The following HMCN1 variants were observed in gnomAD, a reference collection of about 807,000 sequenced individuals.
HMCN1 encodes the protein hemicentin-1.
Under a neutral mutation model 625.9 loss-of-function variants are expected in HMCN1, and 321 were observed. The observed-to-expected ratio is 0.51, with a 90% CI of 0.47 to 0.56. The LOEUF (loss-of-function observed/expected upper bound fraction) is 0.56. HMCN1 is among the 20% of genes least tolerant of loss of function. The pLI is 0.00. For missense variants in HMCN1, 6,588 were observed against 6,887.3 expected (o/e 0.96, Z 1.54); for synonymous variants, 2,425 against 2,417.6 (o/e 1.00, Z -0.09).
At position 185,904,492 on chromosome 1, in the gene HMCN1, T is replaced by C. The variant is rs59244411; in HGVS notation, c.622-4845T>C. On this transcript the variant is annotated intron_variant, in intron 4 of 106. Coordinates refer to ENST00000271588, the MANE Select transcript of HMCN1 (RefSeq NM_031935.3). ...TATACAGCTAATCTATTCATTATGT[T>C]TGGCATGCATTTCATTTTAAAAACA... is the stretch of plus-strand genomic sequence containing the variant. Among the ~76,000 whole-genome samples the C allele has an allele frequency of 7.6e-3, 1,157 of 151,980 alleles. 14 individuals carry two copies. The highest frequency in any genetic ancestry group is 0.025 in the African/African-American group (1,039 of 41,516).
chr1:185,906,951 ATTTTT>A (rs573094693), intron 4 of HMCN1, among the ~76,000 whole-genome samples: 9,639 of 108,652 alleles, frequency 0.089, 1,058 homozygotes, highest in African/African-American at 0.27. Flanking sequence ...AATCCTTTCT[ATTTTT>A]TTTTTTTTTT....
chr1:186,174,488 A>C (rs1350424797), intron 102 of HMCN1, 26 bp from the exon 103 acceptor site: 1 of 1,613,102 alleles, frequency 6.2e-7, no homozygotes, highest in Non-Finnish European at 8.5e-7. Context: ...AGGAAATGTT[A>C]CTTCTCATTG....
intron 6 of HMCN1, among the ~76,000 whole-genome samples, chr1:185,921,374 A>G (rs1053649259): frequency 1.3e-5 from 2 of 152,188 alleles, no homozygotes; most frequent in African/African-American, 2.4e-5. Context: ...ACATTGCTAA[A>G]TAACAAGGAG....
In HMCN1 at chr1:186,003,725, C is replaced by T; in HGVS notation, c.4356C>T (p.Pro1452=). The T allele has an allele frequency of 6.2e-7, 1 of 1,613,166 alleles. No homozygotes were observed. The highest frequency in any genetic ancestry group is 8.5e-7 in the Non-Finnish European group (1 of 1,179,338). Residue 1452 remains proline (P), a synonymous_variant, in exon 29 of 107, where the codon CCC becomes CCT. Coordinates refer to ENST00000271588, the MANE Select transcript of HMCN1 (RefSeq NM_031935.3). ...KYFNIDVLVP[P]TIIGTNFPNE... is the part of the protein sequence containing the mutation. ...ACACTGTCTTTGTTCAAGTTCCACCCACCATAATAGGTACCAACTTCCCAA... is the reference window on the plus strand; with the variant it reads ...ACACTGTCTTTGTTCAAGTTCCACCTACCATAATAGGTACCAACTTCCCAA...
At chr1:186,020,237 TGATAGATAGATA>T (rs4007525) in intron 35 of HMCN1, among the ~76,000 whole-genome samples, 1 of 149,858 alleles carries the variant, frequency 6.7e-6, no homozygotes, top group Non-Finnish European at 1.5e-5. Flanking sequence ...AGTAGATTGA[TGATAGATAGATA>T]GATAGATAGA....
intron 42 of HMCN1, among the ~76,000 whole-genome samples, chr1:186,049,215 A>G (rs1379133111): frequency 2.0e-5 from 3 of 152,102 alleles, no homozygotes; most frequent in Admixed American, 2.0e-4. Flanking sequence ...TGTATGTGAG[A>G]GAAAGAACAT....
intron 1 of HMCN1, among the ~76,000 whole-genome samples, chr1:185,780,476 C>T (rs1222043789): frequency 2.6e-5 from 4 of 152,146 alleles, no homozygotes; most frequent in Admixed American, 2.0e-4. Flanking sequence ...ATGATATTGG[C>T]TGTGGGTTTG....
At chr1:185,884,783 G>A (rs1052781033) in intron 4 of HMCN1, among the ~76,000 whole-genome samples, 2 of 151,964 alleles carry the variant, frequency 1.3e-5, no homozygotes, top group African/African-American at 4.8e-5. Context: ...GGCGAAAAGT[G>A]CAAAGAGCAT....
chr1:185,934,365 C>A (rs1377042709), intron 11 of HMCN1, among the ~76,000 whole-genome samples: 6 of 152,122 alleles, frequency 3.9e-5, no homozygotes, highest in Non-Finnish European at 7.4e-5. Context: ...CACACATACA[C>A]ACGCGAGTGC....
rs184226501 is a variant in HMCN1, at chr1:186,113,694, A to T, written c.11132-285A>T. ...AAATATCATCTTTAATTTGCATCAG[A>T]CTAGAGCTGAGTTTCATTTAAGCCT... On this transcript the variant is annotated intron_variant, in intron 72 of 106. Transcript: ENST00000271588. 2.8e-3 allele frequency among the ~76,000 whole-genome samples: 419 copies of T among 152,332 alleles called. 2 individuals carry two copies. The highest frequency in any genetic ancestry group is 4.5e-3 in the Non-Finnish European group (306 of 68,026).
intron 97 of HMCN1, among the ~76,000 whole-genome samples, chr1:186,159,020 G>A (rs1257362962): frequency 6.6e-6 from 1 of 152,052 alleles, no homozygotes; most frequent in Non-Finnish European, 1.5e-5. Flanking sequence ...ATTACCTTGG[G>A]CAGTATGGCC....
At chr1:185,993,142 C>G (rs778945885) in intron 22 of HMCN1, 40 bp from the exon 23 acceptor site, 9 of 1,594,880 alleles carry the variant, frequency 5.6e-6, no homozygotes, top group Admixed American at 1.7e-5. Context: ...TATTTAAATT[C>G]TCCTCTTCCA....
At chr1:185,993,368 A>T in intron 23 of HMCN1, 59 bp downstream of exon 23, 4 of 1,595,522 alleles carry the variant, frequency 2.5e-6, no homozygotes, top group Non-Finnish European at 3.4e-6. Context: ...AAAAACCCGT[A>T]ATCCTAGTTT....
intron 22 of HMCN1, 150 bp from the exon 23 acceptor site, chr1:185,993,032 G>C (rs1331271681): frequency 5.8e-6 from 4 of 687,800 alleles, no homozygotes; most frequent in Non-Finnish European, 7.7e-6. Context: ...GAAAAGTCCT[G>C]GCTTTTAAGA....
Position 186,103,681 on chromosome 1 carries a change from G to T in HMCN1, c.10770+13G>T, listed in dbSNP as rs907472391. 5 of 1,610,524 alleles carry T rather than the reference G, an allele frequency of 3.1e-6. No homozygotes were observed. In the African/African-American group the frequency reaches 6.7e-5, roughly 22 times the overall value. ...TTCTACTGCTCAGGTAAGTGTCAAAGTTCATAGAATTATTTTAGGTTAGGT... is the reference window on the plus strand; with the variant it reads ...TTCTACTGCTCAGGTAAGTGTCAAATTTCATAGAATTATTTTAGGTTAGGT... On this transcript the variant is annotated intron_variant, in intron 69 of 106. Transcript: ENST00000271588.
intron 40 of HMCN1, among the ~76,000 whole-genome samples, chr1:186,044,617 G>A (rs1177972924): frequency 1.3e-5 from 2 of 152,004 alleles, no homozygotes; most frequent in Non-Finnish European, 2.9e-5. Context: ...GTTTCTACCA[G>A]AACATTTTAG....
At chr1:185,839,445 T>C (rs17447869) in intron 1 of HMCN1, among the ~76,000 whole-genome samples, 36,113 of 152,086 alleles carry the variant, frequency 0.24, 4,688 homozygotes, top group Non-Finnish European at 0.29. Context: ...TTAAATAGCA[T>C]GACTTAAAAT....
At position 186,132,380 on chromosome 1, in the gene HMCN1, T is replaced by C. The variant is rs780998948; in HGVS notation, c.13283T>C (p.Val4428Ala). ...GTAGCTACCAATGAAGCTGGGGTGG[T>C]GGAGCGCAGCATGAGTCTGACTCTG... ...TCVATNEAGV[V>A]ERSMSLTLQS... The change falls in exon 86 of 107, where the codon GTG becomes GCG. Residue 4428 changes from valine (V) to alanine (A), a missense_variant. Transcript: ENST00000271588. 1 of 1,612,596 alleles carries C rather than the reference T, an allele frequency of 6.2e-7. No homozygotes were observed. The highest frequency in any genetic ancestry group is 1.7e-5 in the Admixed American group (1 of 59,834).
In HMCN1 at chr1:185,985,255, A is replaced by G. The variant is rs546814575; in HGVS notation, c.2935+942A>G. 2.0e-5 allele frequency among the ~76,000 whole-genome samples: 3 copies of G among 152,364 alleles called. No individual in the cohort carries two copies. The East Asian group carries it at 5.8e-4, about 29-fold the overall frequency. ...ATTATTTTGAAGAAATACTAAAGCAACACTAAATTAGTTATAACCTAGAGG... is the reference window on the plus strand; with the variant it reads ...ATTATTTTGAAGAAATACTAAAGCAGCACTAAATTAGTTATAACCTAGAGG... On this transcript the variant is annotated intron_variant, in intron 19 of 106. Transcript: ENST00000271588.
Sources: allele counts gnomAD v4.1 joint callset (sites outside exome capture counted in the v4.1 genomes callset), GRCh38; gene constraint gnomAD v4.1.1; transcripts MANE v1.5; gene names NCBI Gene and HGNC (gene_info 2026-07-23, HGNC 2026-07-21).